Variants in LMX1A observed in about 807,000 individuals in gnomAD.
LMX1A encodes the protein LIM homeobox transcription factor 1-alpha.
LMX1A carries 15 observed loss-of-function variants against 49.1 expected under a neutral mutation model. The ratio of observed to expected loss-of-function variants is 0.31; its 90% CI spans 0.20 to 0.47. LMX1A has a LOEUF of 0.47. LMX1A is among the 20% of genes least tolerant of loss of function. The pLI, the probability that LMX1A is intolerant of heterozygous loss-of-function variation, is 1.00. For missense variants in LMX1A, 372 were observed against 475.8 expected (o/e 0.78, Z 2.03); for synonymous variants, 167 against 185.7 (o/e 0.90, Z 0.82).
intron 3 of LMX1A, among the ~76,000 whole-genome samples, chr1:165,254,022 T>C (rs1249709960): frequency 6.6e-6 from 1 of 152,130 alleles, no homozygotes. Flanking sequence ...AACTAATCAA[T>C]GCTTTTCCAG....
chr1:165,251,433 G>A (rs1653058096), intron 3 of LMX1A, among the ~76,000 whole-genome samples: 1 of 152,104 alleles, frequency 6.6e-6, no homozygotes, highest in Admixed American at 6.5e-5. Context: ...AGGAACTCTT[G>A]GCTGTATGAA....
chr1:165,342,105 T>C (rs1009605911), intron 3 of LMX1A, among the ~76,000 whole-genome samples: 7 of 152,174 alleles, frequency 4.6e-5, no homozygotes, highest in African/African-American at 1.7e-4. Context: ...GTGAGAGAAA[T>C]AATACAATAC....
rs549864327 is a variant in LMX1A at position 165,253,130 on chromosome 1, A to G, written c.264-3490T>C. 1.3e-5 allele frequency among the ~76,000 whole-genome samples: 2 copies of G among 152,334 alleles called. 1 individual carries two copies. Among genetic ancestry groups the G allele is most frequent in the South Asian group, 4.1e-4 (2 of 4,826 alleles). On this transcript the variant is annotated intron_variant, in intron 3 of 8. Coordinates refer to ENST00000342310, the MANE Select transcript of LMX1A (RefSeq NM_177398.4). ...TGTTGTAGGCACAAGAGGATACAAG[A>G]CAGACAAATCCTTGACCTCATGTAG... is the stretch of plus-strand genomic sequence containing the variant.
intron 3 of LMX1A, among the ~76,000 whole-genome samples, chr1:165,257,006 T>A (rs1653264796): frequency 6.6e-6 from 1 of 151,902 alleles, no homozygotes; most frequent in South Asian, 2.1e-4. Flanking sequence ...GTGTCTTCAT[T>A]GTTAGAACAT....
intron 6 of LMX1A, 99 bp from the exon 7 acceptor site, chr1:165,208,231 C>T: frequency 9.3e-7 from 1 of 1,075,812 alleles, no homozygotes; most frequent in Admixed American, 1.9e-5. Flanking sequence ...CGGGAGAGGG[C>T]TTGTTGGCAA....
At chr1:165,311,697 A>G (rs572697554) in intron 3 of LMX1A, among the ~76,000 whole-genome samples, 1 of 152,340 alleles carries the variant, frequency 6.6e-6, no homozygotes, top group African/African-American at 2.4e-5. Context: ...CAGCTTTGAA[A>G]GAGAAAGAGA....
rs150936773 is a variant in LMX1A at position 165,205,948 on chromosome 1, T to C, written c.904A>G (p.Ile302Val). Residue 302 changes from isoleucine (I) to valine (V), a missense_variant, in exon 8 of 9, where the codon ATC becomes GTC. Ile to Val is a conservative substitution (Grantham distance 29, BLOSUM62 3). Transcript: ENST00000342310. ...ALPTPQQLLA[I>V]EQSVYSSDPF... Reference sequence around the variant, plus strand: ...TCTGAGCTGTAGACACTCTGCTCGATGGCCAGGAGCTGCTGTGGGGTGGGC... The same window carrying C: ...TCTGAGCTGTAGACACTCTGCTCGACGGCCAGGAGCTGCTGTGGGGTGGGC... The C allele has an allele frequency of 6.8e-6, 11 of 1,613,818 alleles. No individual in the cohort carries two copies. Among genetic ancestry groups the C allele is most frequent in the Non-Finnish European group, 8.5e-6 (10 of 1,179,924 alleles).
chr1:165,228,093 G>C (rs1056456920), intron 4 of LMX1A, among the ~76,000 whole-genome samples: 1 of 152,204 alleles, frequency 6.6e-6, no homozygotes, highest in Non-Finnish European at 1.5e-5. Context: ...AAAAAGTAAA[G>C]CATGATCTAA....
chr1:165,349,340 C>T (rs1448971389), intron 3 of LMX1A, among the ~76,000 whole-genome samples: 1 of 152,182 alleles, frequency 6.6e-6, no homozygotes, highest in African/African-American at 2.4e-5. Context: ...AAATAGGGAA[C>T]AACAGTTATA....
At chr1:165,217,379 C>A (rs1571153665) in intron 4 of LMX1A, among the ~76,000 whole-genome samples, 1 of 152,112 alleles carries the variant, frequency 6.6e-6, no homozygotes, top group Non-Finnish European at 1.5e-5. Flanking sequence ...CCATCGTGAA[C>A]CAACAAAGAG....
At chr1:165,218,202 C>T (rs1001289843) in intron 4 of LMX1A, among the ~76,000 whole-genome samples, 2 of 152,216 alleles carry the variant, frequency 1.3e-5, no homozygotes, top group African/African-American at 4.8e-5. Context: ...ATCCTGTGTC[C>T]CGTTCTTCCA....
intron 3 of LMX1A, among the ~76,000 whole-genome samples, chr1:165,263,675 TA>T (rs1653518841): frequency 6.6e-6 from 1 of 152,240 alleles, no homozygotes; most frequent in South Asian, 2.1e-4. Context: ...TCCTACTACC[TA>T]AATCAGATCA....
intron 8 of LMX1A, 123 bp downstream of exon 8, chr1:165,205,741 T>C (rs911673958): frequency 8.1e-6 from 7 of 862,318 alleles, no homozygotes; most frequent in Non-Finnish European, 1.3e-5. Flanking sequence ...CAGTATTTTG[T>C]AGGGCACATT....
chr1:165,350,173 CAAAAAAAA>C (rs60150264), intron 3 of LMX1A, among the ~76,000 whole-genome samples: 154 of 80,234 alleles, frequency 1.9e-3, no homozygotes, highest in Middle Eastern at 9.4e-3. Context: ...AAAGATCCAC[CAAAAAAAA>C]AAAAAAAAAA....
chr1:165,267,374 T>C (rs888618209), intron 3 of LMX1A, among the ~76,000 whole-genome samples: 2 of 152,252 alleles, frequency 1.3e-5, no homozygotes, highest in African/African-American at 4.8e-5. Flanking sequence ...CATTTTTTTA[T>C]GGCTAAATAA....
At chr1:165,242,149 T>C (rs1652676890) in intron 4 of LMX1A, among the ~76,000 whole-genome samples, 1 of 152,228 alleles carries the variant, frequency 6.6e-6, no homozygotes, top group African/African-American at 2.4e-5. Flanking sequence ...GAGTGCCTAT[T>C]GCATGCCAGG....
At chr1:165,295,321 A>T (rs1024759198) in intron 3 of LMX1A, among the ~76,000 whole-genome samples, 5 of 151,706 alleles carry the variant, frequency 3.3e-5, no homozygotes, top group Non-Finnish European at 7.4e-5. Context: ...TTATTTATAG[A>T]TAGTAAGATG....
chr1:165,350,651 T>C (rs756601569), intron 3 of LMX1A, among the ~76,000 whole-genome samples: 14 of 152,022 alleles, frequency 9.2e-5, no homozygotes, highest in Admixed American at 6.6e-4. Flanking sequence ...CCCTATTTTA[T>C]TGGAAAAAGA....
chr1:165,314,316 T>C (rs1655159374), intron 3 of LMX1A, among the ~76,000 whole-genome samples: 1 of 152,196 alleles, frequency 6.6e-6, no homozygotes, highest in South Asian at 2.1e-4. Context: ...CCTCTATGAA[T>C]GCAGCATCCC....
Sources: gnomAD v4.1 joint callset for allele counts (sites outside exome capture counted in the v4.1 genomes callset) on GRCh38, gnomAD v4.1.1 for gene constraint, MANE v1.5 for transcripts, NCBI Gene and HGNC (gene_info 2026-07-23, HGNC 2026-07-21) for gene names.